The following LTF variants were observed in gnomAD, a reference collection of about 807,000 sequenced individuals.
The protein encoded by LTF is epididymis luminal protein 110.
A neutral mutation model predicts 87.2 loss-of-function variants in LTF; 91 were observed. That is an observed-to-expected ratio of 1.04 (90% CI 0.88 to 1.24). The LOEUF (loss-of-function observed/expected upper bound fraction) is 1.24. Ranked by LOEUF, LTF falls within the 50% of genes most tolerant of loss-of-function variation. LTF has a pLI of 0.00. For missense variants in LTF, 901 were observed against 904.3 expected (o/e 1.00, Z 0.05); for synonymous variants, 378 against 356.1 (o/e 1.06, Z -0.69).
chr3:46,467,924 GA>G (rs1050016260), upstream of LTF, among the ~76,000 whole-genome samples: 29 of 152,252 alleles, frequency 1.9e-4, no homozygotes, highest in African/African-American at 6.5e-4. Flanking sequence ...TGCAGGTCCT[GA>G]AGGCGCCTAA....
chr3:46,463,462 G>C, intron 1 of LTF: 1 of 985,868 alleles, frequency 1.0e-6, no homozygotes, highest in Non-Finnish European at 1.2e-6. Context: ...TGTCAGCCTG[G>C]ACACCCACGG....
chr3:46,473,834 A>G (rs888971183), intron 1 of LTF, among the ~76,000 whole-genome samples: 2 of 152,222 alleles, frequency 1.3e-5, no homozygotes, highest in Non-Finnish European at 2.9e-5. Context: ...TAACATATTT[A>G]CAGATTCCAG....
chr3:46,440,046 A>G (rs1702481533), intron 14 of LTF, among the ~76,000 whole-genome samples: 1 of 152,250 alleles, frequency 6.6e-6, no homozygotes, highest in Admixed American at 6.5e-5. Context: ...TAATAGGTGC[A>G]AGGGTTTCTT....
Position 46,443,460 on chromosome 3 carries a change from C to T in LTF, c.1636G>A (p.Gly546Ser), listed in dbSNP as rs143486027. Residue 546 changes from glycine to serine, a missense_variant, in exon 13 of 17, where the codon GGC becomes AGC. Transcript: ENST00000231751. ...CVPNSNERYY[G>S]YTGAFRCLAE... ...ACTCACCGGAAAGCCCCAGTGTAGC[C>T]GTAGTATCTCTCGTTGCTGTTGGGC... 24 of 1,614,216 alleles carry T rather than the reference C, an allele frequency of 1.5e-5. No individual in the cohort carries two copies. The highest frequency in any genetic ancestry group is 2.7e-5 in the African/African-American group (2 of 75,052).
At chr3:46,436,374 C>T (rs1702386685) in intron 16 of LTF, 145 bp from the exon 17 acceptor site, 2 of 740,594 alleles carry the variant, frequency 2.7e-6, no homozygotes, top group Admixed American at 2.1e-5. Context: ...CTCATATTCC[C>T]ACTCCCCTAC....
At chr3:46,467,618 ATTCTTTTTTTCTTTTCTTTTCTT>A (rs1703232118), upstream of LTF, among the ~76,000 whole-genome samples, 1 of 150,330 alleles carries the variant, frequency 6.7e-6, no homozygotes, top group African/African-American at 2.5e-5. Context: ...CTGGCCAGGA[ATTCTTTTTTTCTTTTCTTTTCTT>A]TTCTTTTTTT....
intron 1 of LTF, among the ~76,000 whole-genome samples, chr3:46,483,681 C>T (rs558726383): frequency 1.2e-3 from 178 of 152,174 alleles, no homozygotes; most frequent in Middle Eastern, 3.4e-3. Flanking sequence ...TGTTTCTATT[C>T]CTTGATTTGG....
At chr3:46,445,502 G>A (rs769350306) in intron 11 of LTF, 66 bp from the exon 12 acceptor site, 552 of 1,481,748 alleles carry the variant, frequency 3.7e-4, no homozygotes, top group Non-Finnish European at 5.0e-4. Flanking sequence ...GGATTCCAGT[G>A]GAGCTGTCTA....
intron 4 of LTF, 98 bp downstream of exon 4, chr3:46,455,698 C>A: frequency 7.2e-7 from 1 of 1,392,860 alleles, no homozygotes; most frequent in South Asian, 1.4e-5. Flanking sequence ...CACCTTGATT[C>A]ATCCCACACT....
In LTF at chr3:46,445,472, C is replaced by T. The variant is rs747191552; in HGVS notation, c.1358-36G>A. ...AGATGACAGAAAAACAAGTCTTAAC[C>T]TCCAGGAGGCCTGGCACATGGATTC... On this transcript the variant is annotated intron_variant, in intron 11 of 16. Coordinates refer to ENST00000231751, the MANE Select transcript of LTF (RefSeq NM_002343.6). The T allele has an allele frequency of 4.4e-6, 7 of 1,580,190 alleles. No homozygotes were observed. In the South Asian group the frequency reaches 5.8e-5, roughly 13 times the overall value.
chr3:46,483,507 A>C lies in LTF; in HGVS notation c.-320+1479T>G, dbSNP rs547438215. ...TCACATGCATAGTATTGAGCATAAG[A>C]GGTTGGACACAAAAGAGCACCTACC... On this transcript the variant is annotated intron_variant, in intron 1 of 19. Transcript: ENST00000443496. Among the ~76,000 whole-genome samples the C allele has an allele frequency of 1.2e-4, 18 of 152,312 alleles. 1 individual carries two copies. The highest frequency in any genetic ancestry group is 4.1e-4 in the South Asian group (2 of 4,828).
chr3:46,453,913 T>C, intron 6 of LTF: 1 of 225,624 alleles, frequency 4.4e-6, no homozygotes, highest in Non-Finnish European at 9.0e-6. Flanking sequence ...TATACAACAA[T>C]ACCGATAAAC....
At chr3:46,476,919 G>T (rs939168943) in intron 1 of LTF, among the ~76,000 whole-genome samples, 4 of 152,218 alleles carry the variant, frequency 2.6e-5, no homozygotes, top group East Asian at 3.8e-4. Flanking sequence ...GTGTACCAAA[G>T]TTACCTGTCT....
chr3:46,444,885 A>T (rs1406859370), intron 12 of LTF, among the ~76,000 whole-genome samples: 1 of 152,218 alleles, frequency 6.6e-6, no homozygotes, highest in African/African-American at 2.4e-5. Flanking sequence ...AGTTTTGCTT[A>T]GTAACAGGAG....
At position 46,473,707 on chromosome 3, in the gene LTF, T is replaced by C. The variant is rs141537252; in HGVS notation, c.-319-3241A>G. Among the ~76,000 whole-genome samples the C allele has an allele frequency of 1.2e-3, 183 of 152,324 alleles. 2 individuals carry two copies. The East Asian group carries it at 0.029, about 24-fold the overall frequency. On this transcript the variant is annotated intron_variant, in intron 1 of 19. Transcript: ENST00000443496. The stretch of plus-strand genomic sequence containing the variant: ...CTCTCGTTACATCTCCATCTCACAC[T>C]CTGACCTTCTTGCCTCCCTCCTGTA...
exon 2 of LTF, chr3:46,470,442 G>A (rs553701595): frequency 2.6e-5 from 4 of 152,526 alleles, no homozygotes; most frequent in African/African-American, 9.6e-5. Flanking sequence ...CTGTGCTGGA[G>A]GCCTCTGTGT....
chr3:46,445,325 A>T lies in LTF; in HGVS notation c.1469T>A (p.Ile490Asn), dbSNP rs777155554. ...TAVDRTAGWN[I>N]PMGLLFNQTG... Reference sequence around the variant, plus strand: ...CTGGTTGAAGAGCAGGCCCATGGGGATATTCCAGCCTGCAGTCCTGTCCAC... The same window carrying T: ...CTGGTTGAAGAGCAGGCCCATGGGGTTATTCCAGCCTGCAGTCCTGTCCAC... Residue 490 changes from isoleucine to asparagine, a missense_variant, in exon 12 of 17, where the codon ATC (isoleucine) becomes AAC (asparagine). By Grantham distance (149) the Ile-to-Asn change is moderately radical. Transcript: ENST00000231751. 4.3e-6 allele frequency: 7 copies of T among 1,613,680 alleles called. No individual in the cohort carries two copies. The South Asian group carries it at 6.6e-5, about 15-fold the overall frequency.
At position 46,443,390 on chromosome 3, in the gene LTF, C is replaced by A. The variant is rs751993322; in HGVS notation, c.1655+51G>T. ...TCCTTAGAACTGCAATGCTGACATG[C>A]TGAGGGATGAGGTAAGTCCCCATCC... On this transcript the variant is annotated intron_variant, in intron 13 of 16. Coordinates refer to ENST00000231751, the MANE Select transcript of LTF (RefSeq NM_002343.6). 12 of 1,605,790 alleles carry A rather than the reference C, an allele frequency of 7.5e-6. No homozygotes were observed. The South Asian group carries it at 1.2e-4, about 16-fold the overall frequency.
At chr3:46,438,151 T>TGAGTAGCTAAG in intron 15 of LTF, 22 bp from the exon 16 acceptor site, 1 of 1,600,266 alleles carries the variant, frequency 6.2e-7, no homozygotes, top group Non-Finnish European at 8.6e-7. Context: ...GGGCAGACAG[T>TGAGTAGCTAAG]GAGTAGCTAA....
Sources: gnomAD v4.1 joint callset for allele counts (sites outside exome capture counted in the v4.1 genomes callset) on GRCh38, gnomAD v4.1.1 for gene constraint, MANE v1.5 for transcripts, NCBI Gene and HGNC (gene_info 2026-07-23, HGNC 2026-07-21) for gene names.